Variants in VIT observed in about 807,000 individuals in gnomAD.
VIT encodes the protein vitrin.
In VIT, 99 loss-of-function variants were observed where a neutral mutation model predicts 78.0. The ratio of observed to expected loss-of-function variants is 1.27; its 90% CI spans 1.08 to 1.50. VIT has a LOEUF of 1.50. VIT is among the 40% of genes most tolerant of loss of function. The probability of loss-of-function intolerance (pLI) is 0.00; values close to 1 mark genes in which losing one functional copy is unlikely to be tolerated. For missense variants in VIT, 1,126 were observed against 875.3 expected, an observed-to-expected ratio of 1.29 and a Z score of -3.61; for synonymous variants, 374 against 334.3, an observed-to-expected ratio of 1.12 and a Z score of -1.29.
rs550839833 is a variant in VIT at position 36,805,401 on chromosome 2, G to A, written c.1163-37G>A. The A allele has an allele frequency of 1.3e-5, 20 of 1,545,486 alleles. No homozygotes were observed. The South Asian group carries it at 1.7e-4, about 13-fold the overall frequency. ...ATCTCTTCCTGTATTTATAATCAGC[G>A]TGATCACTCCAAGCATGAATTTTCT... On this transcript the variant is annotated intron_variant, in intron 13 of 15. Coordinates refer to ENST00000379242, the MANE Select transcript of VIT (RefSeq NM_053276.4).
Position 36,701,748 on chromosome 2 carries a change from T to G in VIT, c.-19+4775T>G, listed in dbSNP as rs537288304. 4.6e-5 allele frequency among the ~76,000 whole-genome samples: 7 copies of G among 152,332 alleles called. No homozygotes were observed. In the South Asian group the frequency reaches 6.2e-4, roughly 14 times the overall value. ...CTTTTTGTTCCAGACAGAGAAAACA[T>G]GCTTTGGACATAAAGGTGCAAGTTA... On this transcript the variant is annotated intron_variant, in intron 1 of 15. Transcript: ENST00000379242.
At chr2:36,744,252 T>A (rs1341001208) in intron 4 of VIT, among the ~76,000 whole-genome samples, 1 of 152,210 alleles carries the variant, frequency 6.6e-6, no homozygotes, top group East Asian at 1.9e-4. Context: ...CTATTGTGAA[T>A]AGTGCTGCAA....
chr2:36,725,482 A>G (rs1285020200), intron 2 of VIT, among the ~76,000 whole-genome samples: 1 of 151,314 alleles, frequency 6.6e-6, no homozygotes, highest in Non-Finnish European at 1.5e-5. Flanking sequence ...CCCCTTTTAT[A>G]AGGGCACTTG....
intron 3 of VIT, among the ~76,000 whole-genome samples, chr2:36,734,144 G>C (rs964460054): frequency 9.9e-5 from 15 of 152,100 alleles, no homozygotes; most frequent in African/African-American, 2.4e-5. Context: ...GCTTTAACCA[G>C]CTCTCCAGGT....
chr2:36,706,019 C>A (rs1665397262), intron 1 of VIT, among the ~76,000 whole-genome samples: 1 of 152,192 alleles, frequency 6.6e-6, no homozygotes, highest in Non-Finnish European at 1.5e-5. Context: ...ACCAAATCAC[C>A]TCTGGTTGTG....
At chr2:36,732,029 T>A (rs1050595734) in intron 3 of VIT, among the ~76,000 whole-genome samples, 2 of 152,188 alleles carry the variant, frequency 1.3e-5, no homozygotes, top group African/African-American at 4.8e-5. Context: ...AAGGAATCAG[T>A]TGTTTATTTA....
chr2:36,798,543 T>C (rs978289561), intron 12 of VIT, among the ~76,000 whole-genome samples: 1 of 151,988 alleles, frequency 6.6e-6, no homozygotes, highest in African/African-American at 2.4e-5. Flanking sequence ...GATCACGAGG[T>C]CAGGAGTTCG....
At chr2:36,710,369 TGAAA>T (rs1486103799) in intron 1 of VIT, among the ~76,000 whole-genome samples, 3 of 152,196 alleles carry the variant, frequency 2.0e-5, no homozygotes, top group Non-Finnish European at 4.4e-5. Context: ...TGGGTTCTAG[TGAAA>T]ACGCCTCCTA....
intron 1 of VIT, among the ~76,000 whole-genome samples, chr2:36,710,868 C>T (rs891420412): frequency 2.0e-5 from 3 of 152,210 alleles, no homozygotes; most frequent in African/African-American, 4.8e-5. Context: ...TAAAAATACA[C>T]ATGCAGAAGT....
At chr2:36,723,713 A>G (rs994152861) in intron 2 of VIT, among the ~76,000 whole-genome samples, 2 of 152,166 alleles carry the variant, frequency 1.3e-5, no homozygotes, top group Non-Finnish European at 1.5e-5. Flanking sequence ...TTTAGTATTT[A>G]ATATGCTTCA....
At chr2:36,768,591 A>T (rs1223921603) in intron 7 of VIT, among the ~76,000 whole-genome samples, 2 of 152,196 alleles carry the variant, frequency 1.3e-5, no homozygotes, top group Non-Finnish European at 1.5e-5. Context: ...TGAGGAAACC[A>T]AGGAGTAAGG....
At chr2:36,720,417 T>C (rs570751275) in intron 2 of VIT, among the ~76,000 whole-genome samples, 58 of 152,328 alleles carry the variant, frequency 3.8e-4, no homozygotes, top group East Asian at 3.5e-3. Flanking sequence ...ATAAGTGTTA[T>C]TGGGAAAATA....
chr2:36,741,790 CAA>C (rs1667851862), intron 3 of VIT, among the ~76,000 whole-genome samples: 1 of 152,128 alleles, frequency 6.6e-6, no homozygotes, highest in African/African-American at 2.4e-5. Flanking sequence ...ATACTTCTAC[CAA>C]CACCCCACTC....
intron 13 of VIT, 71 bp from the exon 14 acceptor site, chr2:36,805,367 G>A: frequency 4.9e-6 from 7 of 1,438,260 alleles, no homozygotes; most frequent in Non-Finnish European, 4.6e-6. Context: ...ACCTCTTTGT[G>A]CTGCTGTGAT....
At chr2:36,714,678 C>T (rs913561433) in intron 1 of VIT, among the ~76,000 whole-genome samples, 5 of 152,186 alleles carry the variant, frequency 3.3e-5, no homozygotes, top group African/African-American at 1.2e-4. Context: ...ACAAACTTCT[C>T]CCTTATTGCC....
chr2:36,808,423 G>A lies in VIT; in HGVS notation c.1390-49G>A, dbSNP rs1348464682. On this transcript the variant is annotated intron_variant, in intron 14 of 15. Coordinates refer to ENST00000379242, the MANE Select transcript of VIT (RefSeq NM_053276.4). Reference sequence around the variant, plus strand: ...GGGGATCAAGCCTAATGGTGACACTGGAGGATTTGACCCTGACGTGGCGTG... The same window carrying A: ...GGGGATCAAGCCTAATGGTGACACTAGAGGATTTGACCCTGACGTGGCGTG... 9 of 1,554,416 alleles carry A rather than the reference G, an allele frequency of 5.8e-6. No homozygotes were observed. The African/African-American group carries it at 1.1e-4, about 19-fold the overall frequency.
At chr2:36,772,400 G>T (rs896065655) in intron 7 of VIT, among the ~76,000 whole-genome samples, 2 of 152,224 alleles carry the variant, frequency 1.3e-5, no homozygotes, top group African/African-American at 4.8e-5. Flanking sequence ...GCCGGGCATG[G>T]TGGCACATGC....
chr2:36,735,807 C>G (rs1051535717), intron 3 of VIT, among the ~76,000 whole-genome samples: 2 of 152,214 alleles, frequency 1.3e-5, no homozygotes, highest in African/African-American at 4.8e-5. Context: ...TCCCCTGAAA[C>G]AAGGGGAATT....
chr2:36,776,181 C>T (rs560364965), intron 9 of VIT, among the ~76,000 whole-genome samples: 1 of 152,328 alleles, frequency 6.6e-6, no homozygotes, highest in South Asian at 2.1e-4. Context: ...CTATCCAGAA[C>T]TTCAGCTCCT....
Sources: allele counts gnomAD v4.1 joint callset (sites outside exome capture counted in the v4.1 genomes callset), GRCh38; gene constraint gnomAD v4.1.1; transcripts MANE v1.5; gene names NCBI Gene and HGNC (gene_info 2026-07-23, HGNC 2026-07-21).